ADCK1: variants seen among roughly 807,000 people sequenced by gnomAD.
The protein encoded by ADCK1 is aarF domain containing kinase 1.
ADCK1 carries 41 observed loss-of-function variants against 52.3 expected under a neutral mutation model. That is an observed-to-expected ratio of 0.78 (90% CI 0.61 to 1.02). The LOEUF (loss-of-function observed/expected upper bound fraction) is 1.02. Ranked by LOEUF, ADCK1 falls within the 50% of genes least tolerant of loss-of-function variation. The probability of loss-of-function intolerance (pLI) is 0.00; values close to 1 mark genes in which losing one functional copy is unlikely to be tolerated. For synonymous variants in ADCK1, 250 were observed against 274.6 expected (o/e 0.91, Z 0.89); for missense variants, 658 against 679.5 (o/e 0.97, Z 0.35).
At chr14:77,906,712 A>G (rs903567346) in intron 6 of ADCK1, among the ~76,000 whole-genome samples, 2 of 152,184 alleles carry the variant, frequency 1.3e-5, no homozygotes, top group East Asian at 1.9e-4. Flanking sequence ...TGGCTGCTAC[A>G]GCACCAACAG....
At chr14:77,896,191 T>C (rs1169366282) in intron 5 of ADCK1, among the ~76,000 whole-genome samples, 2 of 152,208 alleles carry the variant, frequency 1.3e-5, no homozygotes, top group African/African-American at 4.8e-5. Context: ...GGAAAATCTT[T>C]AATGTGCCTT....
chr14:77,870,399 T>C (rs1218898464), intron 4 of ADCK1, among the ~76,000 whole-genome samples: 1 of 152,222 alleles, frequency 6.6e-6, no homozygotes, highest in East Asian at 1.9e-4. Context: ...GGTATCTTCT[T>C]AGGCCCCAGG....
intron 5 of ADCK1, among the ~76,000 whole-genome samples, chr14:77,896,969 A>G (rs2083423839): frequency 2.0e-5 from 3 of 152,324 alleles, no homozygotes; most frequent in Non-Finnish European, 2.9e-5. Context: ...AATGCCTTGT[A>G]GTTAATAGTC....
chr14:77,903,368 C>T lies in ADCK1; in HGVS notation c.741+4110C>T, dbSNP rs919236149. Among the ~76,000 whole-genome samples the T allele has an allele frequency of 9.2e-5, 14 of 152,214 alleles. No homozygotes were observed. In the East Asian group the frequency reaches 1.5e-3, roughly 17 times the overall value. On this transcript the variant is annotated intron_variant, in intron 6 of 10. Transcript: ENST00000238561. ...CAACATCTGTGCATAATTAAGCCTC[C>T]GCAAAGACTTTACCTCTCAGTGTGT...
intron 7 of ADCK1, among the ~76,000 whole-genome samples, chr14:77,920,220 T>A (rs547908035): frequency 6.6e-6 from 1 of 152,258 alleles, no homozygotes; most frequent in Non-Finnish European, 1.5e-5. Flanking sequence ...TCTTCTAGAT[T>A]TTTTATGGTT....
intron 5 of ADCK1, among the ~76,000 whole-genome samples, chr14:77,893,956 A>T (rs1305673758): frequency 6.6e-6 from 1 of 151,710 alleles, no homozygotes; most frequent in Non-Finnish European, 1.5e-5. Flanking sequence ...CTGGTCTTAA[A>T]CCCTGACCTC....
intron 3 of ADCK1, among the ~76,000 whole-genome samples, chr14:77,827,519 T>C (rs1040526518): frequency 6.6e-6 from 1 of 152,050 alleles, no homozygotes; most frequent in African/African-American, 2.4e-5. Flanking sequence ...AATGAGTCCT[T>C]ATATACTGTG....
intron 3 of ADCK1, among the ~76,000 whole-genome samples, chr14:77,824,520 A>G (rs575153345): frequency 7.0e-6 from 1 of 143,418 alleles, no homozygotes; most frequent in South Asian, 2.2e-4. Flanking sequence ...TGCAACCTCC[A>G]TCTCCCGGGT....
At position 77,933,240 on chromosome 14, in the gene ADCK1, G is replaced by A. The variant is rs902409397; in HGVS notation, c.1421G>A (p.Cys474Tyr). 11 of 1,613,766 alleles carry A rather than the reference G, an allele frequency of 6.8e-6. No individual in the cohort carries two copies. In the Admixed American group the frequency reaches 1.2e-4, roughly 17 times the overall value. Residue 474 changes from cysteine (C) to tyrosine (Y), a missense_variant, in exon 11 of 11, where the codon TGT becomes TAT. Physicochemically the swap from Cys to Tyr is radical, Grantham distance 194 (BLOSUM62 -2). Transcript: ENST00000238561. ...TCCAGGCACAAGAAGAAGAATACCT[G>A]TTCATTCTTCAGAAGGACCCAGATC... ...ALAEHKKKNT[C>Y]SFFRRTQISF...
At chr14:77,890,735 C>T (rs565341068) in intron 5 of ADCK1, among the ~76,000 whole-genome samples, 9 of 152,168 alleles carry the variant, frequency 5.9e-5, no homozygotes, top group East Asian at 1.9e-4. Flanking sequence ...GTGGCCTGAT[C>T]GGGGTGAAAA....
At chr14:77,876,249 T>C (rs2082896652) in intron 4 of ADCK1, among the ~76,000 whole-genome samples, 1 of 152,236 alleles carries the variant, frequency 6.6e-6, no homozygotes, top group African/African-American at 2.4e-5. Flanking sequence ...CCTGCCTCCC[T>C]TGGCTTGTGG....
intron 1 of ADCK1, among the ~76,000 whole-genome samples, chr14:77,816,822 C>A (rs1843593962): frequency 6.8e-6 from 1 of 147,508 alleles, no homozygotes. Context: ...GGGATGCAGT[C>A]TTGGGGACTG....
At chr14:77,852,907 A>ATATATATATATATATATTTTT (rs1555351700) in intron 3 of ADCK1, among the ~76,000 whole-genome samples, 1 of 28,952 alleles carries the variant, frequency 3.5e-5, no homozygotes, top group African/African-American at 2.2e-4. Flanking sequence ...ATATATATAT[A>ATATATATATATATATATTTTT]TTTTTTTTTT....
At chr14:77,849,905 C>T (rs1404286695) in intron 3 of ADCK1, among the ~76,000 whole-genome samples, 3 of 152,128 alleles carry the variant, frequency 2.0e-5, no homozygotes, top group Non-Finnish European at 4.4e-5. Flanking sequence ...CTGTCAGCTG[C>T]ATGTGGTGGC....
chr14:77,853,037 C>G (rs2082346839), intron 3 of ADCK1, among the ~76,000 whole-genome samples: 1 of 142,116 alleles, frequency 7.0e-6, no homozygotes, highest in Non-Finnish European at 1.5e-5. Context: ...CAGGTGTGAG[C>G]CACCATGCCT....
intron 6 of ADCK1, among the ~76,000 whole-genome samples, chr14:77,902,232 A>G (rs2083563142): frequency 6.6e-6 from 1 of 152,198 alleles, no homozygotes. Context: ...TGATCAGTGC[A>G]GTGTATTGAC....
intron 2 of ADCK1, 136 bp downstream of exon 2, chr14:77,819,249 T>A: frequency 1.6e-6 from 2 of 1,236,896 alleles, no homozygotes; most frequent in Non-Finnish European, 2.3e-6. Flanking sequence ...AAGCTACATC[T>A]GCACAGGTGT....
intron 4 of ADCK1, among the ~76,000 whole-genome samples, chr14:77,874,366 A>C (rs2082851912): frequency 6.6e-6 from 1 of 152,166 alleles, no homozygotes. Flanking sequence ...GGGTTGCAGG[A>C]GGGGTGGATG....
Position 77,924,564 on chromosome 14 carries a change from G to C in ADCK1, c.966G>C (p.Thr322=). Residue 322 remains threonine (T), a synonymous_variant, in exon 8 of 11, where the codon ACG becomes ACC. Transcript: ENST00000238561. The part of the protein sequence containing the change: ...GNVLVRKHPG[T]GKAEIVLLDH... ...TACTGGTGCGGAAGCACCCCGGCAC[G>C]GGAAAGGCGGAGATTGTCCTGTTGG... is the stretch of plus-strand genomic sequence containing the variant. 1 of 1,613,864 alleles carries C rather than the reference G, an allele frequency of 6.2e-7. No individual in the cohort carries two copies. Among genetic ancestry groups the C allele is most frequent in the Non-Finnish European group, 8.5e-7 (1 of 1,180,028 alleles).
Sources: gnomAD v4.1 joint callset for allele counts (sites outside exome capture counted in the v4.1 genomes callset) on GRCh38, gnomAD v4.1.1 for gene constraint, MANE v1.5 for transcripts, NCBI Gene and HGNC (gene_info 2026-07-23, HGNC 2026-07-21) for gene names.